The following NUP98 variants were observed in gnomAD, a reference collection of about 807,000 sequenced individuals.
NUP98 encodes the protein nuclear pore complex protein Nup98-Nup96.
Under a neutral mutation model 191.9 loss-of-function variants are expected in NUP98, and 26 were observed. The observed-to-expected ratio is 0.14, with a 90% CI of 0.10 to 0.19. The LOEUF is 0.19. Ranked by LOEUF, NUP98 falls within the 10% of genes least tolerant of loss-of-function variation. The pLI, the probability that NUP98 is intolerant of heterozygous loss-of-function variation, is 1.00. For missense variants in NUP98, 1,941 were observed against 2,178.8 expected, an observed-to-expected ratio of 0.89 and a Z score of 2.17; for synonymous variants, 808 against 778.4, an observed-to-expected ratio of 1.04 and a Z score of -0.63.
At chr11:3,695,874 T>C (rs1564814297) in intron 25 of NUP98, among the ~76,000 whole-genome samples, 1 of 152,106 alleles carries the variant, frequency 6.6e-6, no homozygotes, top group Non-Finnish European at 1.5e-5. Context: ...TCTGTGATAC[T>C]AGGCAAGACA....
intron 10 of NUP98, 56 bp from the exon 11 acceptor site, chr11:3,753,464 C>T: frequency 7.2e-7 from 1 of 1,380,618 alleles, no homozygotes; most frequent in Non-Finnish European, 1.0e-6. Context: ...TCAATTTCCT[C>T]TATAAGGGAG....
chr11:3,771,949 T>C (rs2081545634), intron 6 of NUP98, 21 bp from the exon 7 acceptor site: 2 of 1,599,720 alleles, frequency 1.3e-6, no homozygotes, highest in Non-Finnish European at 1.7e-6. Flanking sequence ...GGAAAACATA[T>C]TTCTAATCTT....
At chr11:3,686,250 T>C in intron 28 of NUP98, 56 bp from the exon 29 acceptor site, 1 of 1,479,580 alleles carries the variant, frequency 6.8e-7, no homozygotes, top group South Asian at 1.1e-5. Context: ...CCTGGACTGA[T>C]ATGTCAACTG....
intron 16 of NUP98, 124 bp downstream of exon 16, chr11:3,723,033 T>A: frequency 1.2e-6 from 1 of 823,238 alleles, no homozygotes; most frequent in Non-Finnish European, 1.9e-6. Context: ...CTCTCCTATG[T>A]GGGATCACAT....
intron 26 of NUP98, 79 bp from the exon 27 acceptor site, chr11:3,693,454 T>C: frequency 1.5e-6 from 2 of 1,372,600 alleles, no homozygotes; most frequent in South Asian, 1.3e-5. Context: ...GAAGTGAATA[T>C]TCACTTATTC....
intron 16 of NUP98, 141 bp from the exon 17 acceptor site, chr11:3,720,966 G>A: frequency 1.9e-6 from 1 of 539,704 alleles, no homozygotes; most frequent in Non-Finnish European, 3.2e-6. Flanking sequence ...CTAGGAGAAG[G>A]GGTGTGTGAG....
chr11:3,697,481 T>G (rs548475421), intron 25 of NUP98, among the ~76,000 whole-genome samples: 1 of 152,234 alleles, frequency 6.6e-6, no homozygotes, highest in African/African-American at 2.4e-5. Context: ...CTGATCATAT[T>G]AGATTAAGCT....
intron 18 of NUP98, among the ~76,000 whole-genome samples, chr11:3,716,545 CA>C (rs1176056284): frequency 2.0e-5 from 3 of 151,358 alleles, no homozygotes; most frequent in East Asian, 3.9e-4. Context: ...CTCATCTCTA[CA>C]AAAAATACAA....
intron 11 of NUP98, among the ~76,000 whole-genome samples, chr11:3,745,741 C>T (rs1481010878): frequency 6.6e-6 from 1 of 152,082 alleles, no homozygotes; most frequent in South Asian, 2.1e-4. Flanking sequence ...GCATGCATCA[C>T]CATGCATGGC....
chr11:3,738,087 C>CAAAAAAAAAAA (rs61502115), intron 12 of NUP98, among the ~76,000 whole-genome samples: 5 of 69,740 alleles, frequency 7.2e-5, no homozygotes, highest in African/African-American at 2.0e-4. Flanking sequence ...TGGGCGTTCT[C>CAAAAAAAAAAA]AAAAAAAAAA....
intron 10 of NUP98, among the ~76,000 whole-genome samples, chr11:3,755,121 T>G (rs2080912898): frequency 6.6e-6 from 1 of 152,016 alleles, no homozygotes; most frequent in African/African-American, 2.4e-5. Context: ...AAGAAATCAT[T>G]AGCCAGAAAA....
chr11:3,685,282 A>G (rs1257072521), intron 29 of NUP98, among the ~76,000 whole-genome samples: 1 of 152,228 alleles, frequency 6.6e-6, no homozygotes, highest in Admixed American at 6.5e-5. Flanking sequence ...CAGAGAATCA[A>G]GACACATATA....
At chr11:3,691,620 C>T in intron 27 of NUP98, 131 bp from the exon 28 acceptor site, 1 of 807,734 alleles carries the variant, frequency 1.2e-6, no homozygotes, top group Non-Finnish European at 1.9e-6. Context: ...GTGGGACAAT[C>T]TCGGCTCACT....
chr11:3,736,076 TTGTG>T (rs34834363), intron 12 of NUP98, among the ~76,000 whole-genome samples: 1 of 129,504 alleles, frequency 7.7e-6, no homozygotes, highest in Non-Finnish European at 1.6e-5. Flanking sequence ...ACAGCTAATT[TTGTG>T]TGTGTGTGTG....
At chr11:3,689,449 C>T (rs1234791156) in intron 28 of NUP98, among the ~76,000 whole-genome samples, 3 of 151,936 alleles carry the variant, frequency 2.0e-5, no homozygotes, top group Non-Finnish European at 4.4e-5. Flanking sequence ...ATGGCGTGAA[C>T]CTGGAAGGCA....
chr11:3,694,881 T>G (rs1191316949), intron 26 of NUP98, among the ~76,000 whole-genome samples: 2 of 152,168 alleles, frequency 1.3e-5, no homozygotes, highest in Non-Finnish European at 2.9e-5. Context: ...TGAGACCCTA[T>G]TGCTATAAAT....
intron 29 of NUP98, 50 bp from the exon 30 acceptor site, chr11:3,683,491 G>T (rs771265217): frequency 3.7e-6 from 6 of 1,600,886 alleles, no homozygotes; most frequent in Non-Finnish European, 3.4e-6. Flanking sequence ...TCATGGAGAA[G>T]GCTGCCCCAG....
intron 31 of NUP98, chr11:3,679,318 G>A (rs2077916786): frequency 3.3e-6 from 2 of 606,798 alleles, no homozygotes; most frequent in South Asian, 3.2e-5. Flanking sequence ...CTATGGACAA[G>A]CCTCAGGAAT....
chr11:3,733,665 A>T (rs2079928523), intron 13 of NUP98, among the ~76,000 whole-genome samples: 1 of 152,206 alleles, frequency 6.6e-6, no homozygotes, highest in African/African-American at 2.4e-5. Context: ...AGCATGTATC[A>T]GTACTTTACT....
Sources: gnomAD v4.1 joint callset for allele counts (sites outside exome capture counted in the v4.1 genomes callset) on GRCh38, gnomAD v4.1.1 for gene constraint, MANE v1.5 for transcripts, NCBI Gene and HGNC (gene_info 2026-07-23, HGNC 2026-07-21) for gene names.